The following RNLS variants were observed in gnomAD, a reference collection of about 807,000 sequenced individuals.
RNLS encodes the protein renalase.
In RNLS, 39 loss-of-function variants were observed where a neutral mutation model predicts 39.8. That is an observed-to-expected ratio of 0.98 (90% CI 0.76 to 1.28). RNLS has a LOEUF of 1.28. RNLS is among the 50% of genes most tolerant of loss of function. The pLI is 0.00. For missense variants in RNLS, 410 were observed against 413.3 expected (o/e 0.99, Z 0.07); for synonymous variants, 147 against 150.7 (o/e 0.98, Z 0.18).
At chr10:88,503,764 T>C (rs1845630092) in intron 4 of RNLS, among the ~76,000 whole-genome samples, 1 of 152,196 alleles carries the variant, frequency 6.6e-6, no homozygotes, top group Admixed American at 6.6e-5. Flanking sequence ...CAGGTAGAGA[T>C]TATTCCCTCC....
the RNLS span, among the ~76,000 whole-genome samples, chr10:88,174,793 C>T: frequency 2.6e-5 from 4 of 152,070 alleles, no homozygotes; most frequent in African/African-American, 9.7e-5. Flanking sequence ...AGAAAGAATT[C>T]CCTCCTCTTA....
At chr10:88,329,307 C>T (rs1478967286) in intron 5 of RNLS, among the ~76,000 whole-genome samples, 4 of 152,148 alleles carry the variant, frequency 2.6e-5, no homozygotes, top group Admixed American at 6.5e-5. Flanking sequence ...CCTGCCTTAG[C>T]TTCCCAAAGT....
intron 4 of RNLS, among the ~76,000 whole-genome samples, chr10:88,432,368 T>A (rs1442713415): frequency 6.6e-6 from 1 of 151,930 alleles, no homozygotes; most frequent in African/African-American, 2.4e-5. Context: ...AGTGTGTTTG[T>A]TTTTGGCAGC....
chr10:88,342,986 A>C (rs1453321591), intron 5 of RNLS, among the ~76,000 whole-genome samples: 1 of 152,234 alleles, frequency 6.6e-6, no homozygotes, highest in Admixed American at 6.5e-5. Context: ...GAGTAGCTGC[A>C]ACAGACTGTA....
At chr10:88,511,149 C>T (rs886565416) in intron 4 of RNLS, among the ~76,000 whole-genome samples, 21 of 152,056 alleles carry the variant, frequency 1.4e-4, no homozygotes, top group Non-Finnish European at 2.8e-4. Flanking sequence ...CCTTCCCTCA[C>T]TATCAGGCCA....
intron 4 of RNLS, among the ~76,000 whole-genome samples, chr10:88,411,365 C>A (rs190710275): frequency 1.3e-5 from 2 of 152,078 alleles, no homozygotes; most frequent in South Asian, 4.2e-4. Flanking sequence ...GTTTCCTCAG[C>A]GGACCACAGA....
At chr10:88,517,284 G>A (rs1266395824) in intron 4 of RNLS, among the ~76,000 whole-genome samples, 1 of 151,860 alleles carries the variant, frequency 6.6e-6, no homozygotes, top group Admixed American at 6.6e-5. Flanking sequence ...AAGAATAAAT[G>A]TATCAACTTT....
intron 3 of RNLS, among the ~76,000 whole-genome samples, chr10:88,581,095 AGTTAAATAAGT>A (rs1411015365): frequency 6.6e-6 from 1 of 152,096 alleles, no homozygotes; most frequent in African/African-American, 2.4e-5. Context: ...GAAAGCTAAT[AGTTAAATAAGT>A]GATGGTACGC....
chr10:88,258,010 C>T, the RNLS span, among the ~76,000 whole-genome samples: 3 of 152,110 alleles, frequency 2.0e-5, no homozygotes, highest in South Asian at 6.2e-4. Context: ...CCCTTTCCCC[C>T]ACAAGAAATT....
At chr10:88,442,877 C>A (rs759910608) in intron 4 of RNLS, among the ~76,000 whole-genome samples, 1 of 152,202 alleles carries the variant, frequency 6.6e-6, no homozygotes, top group Non-Finnish European at 1.5e-5. Flanking sequence ...TAACATGAGG[C>A]CCTCCACCAG....
chr10:88,549,684 A>G (rs1490731543), intron 4 of RNLS, among the ~76,000 whole-genome samples: 1 of 152,246 alleles, frequency 6.6e-6, no homozygotes, highest in Non-Finnish European at 1.5e-5. Context: ...CTATAAAGCC[A>G]GTATTACAGC....
intron 5 of RNLS, among the ~76,000 whole-genome samples, chr10:88,334,648 A>G (rs1271935783): frequency 6.6e-6 from 1 of 152,112 alleles, no homozygotes; most frequent in Non-Finnish European, 1.5e-5. Flanking sequence ...TTCATTGTCT[A>G]TTTGTCTGTC....
intron 5 of RNLS, among the ~76,000 whole-genome samples, chr10:88,346,710 A>C (rs1361962675): frequency 6.6e-6 from 1 of 152,154 alleles, no homozygotes; most frequent in Non-Finnish European, 1.5e-5. Flanking sequence ...TGGCTCAGCA[A>C]ATATTTATCA....
downstream of RNLS, among the ~76,000 whole-genome samples, chr10:88,280,221 T>C (rs1196796793): frequency 6.6e-6 from 1 of 152,208 alleles, no homozygotes; most frequent in Non-Finnish European, 1.5e-5. Context: ...AACAATCTTA[T>C]GAGGTAGCTA....
chr10:88,508,857 C>T (rs2477953), intron 4 of RNLS, among the ~76,000 whole-genome samples: 126,825 of 152,142 alleles, frequency 0.83, 53,251 homozygotes, highest in East Asian at 1. Flanking sequence ...ATATTCTCAT[C>T]GTTAGCTTAA....
At chr10:88,335,999 G>C (rs1402915392) in intron 5 of RNLS, among the ~76,000 whole-genome samples, 3 of 152,202 alleles carry the variant, frequency 2.0e-5, no homozygotes, top group African/African-American at 7.2e-5. Context: ...TATCAGTTCT[G>C]TTCTCAGGAC....
intron 4 of RNLS, among the ~76,000 whole-genome samples, chr10:88,433,435 C>A (rs961754449): frequency 1.3e-5 from 2 of 151,966 alleles, no homozygotes; most frequent in African/African-American, 4.8e-5. Context: ...GTCACTTAAC[C>A]TTTCAGAATA....
At chr10:88,437,211 G>A (rs907790702) in intron 4 of RNLS, among the ~76,000 whole-genome samples, 3 of 152,188 alleles carry the variant, frequency 2.0e-5, no homozygotes, top group African/African-American at 4.8e-5. Flanking sequence ...GTGGTATAAA[G>A]AAGTATCAAT....
At chr10:88,447,625 C>A (rs572003408) in intron 4 of RNLS, among the ~76,000 whole-genome samples, 35 of 152,320 alleles carry the variant, frequency 2.3e-4, no homozygotes, top group African/African-American at 7.9e-4. Flanking sequence ...ATCAAACCAC[C>A]AATGACTTTC....
Sources: gnomAD v4.1 joint callset for allele counts (sites outside exome capture counted in the v4.1 genomes callset) on GRCh38, gnomAD v4.1.1 for gene constraint, MANE v1.5 for transcripts, NCBI Gene and HGNC (gene_info 2026-07-23, HGNC 2026-07-21) for gene names.